Variants in ZRANB3 observed in about 807,000 individuals in gnomAD.
The protein encoded by ZRANB3 is zinc finger RANBP2-type containing 3, also known as DNA annealing helicase and endonuclease ZRANB3.
A neutral mutation model predicts 133.8 loss-of-function variants in ZRANB3; 125 were observed. That is an observed-to-expected ratio of 0.93 (90% CI 0.81 to 1.08). The LOEUF (loss-of-function observed/expected upper bound fraction) is 1.08, where lower values mean the gene tolerates loss of function less well. ZRANB3 is among the 50% of genes least tolerant of loss of function. The pLI, the probability that ZRANB3 is intolerant of heterozygous loss-of-function variation, is 0.00. For missense variants in ZRANB3, 1,229 were observed against 1,275.5 expected, an observed-to-expected ratio of 0.96 and a Z score of 0.56; for synonymous variants, 387 against 432.7, an observed-to-expected ratio of 0.89 and a Z score of 1.31.
At chr2:135,291,113 C>T (rs1467066549) in intron 8 of ZRANB3, among the ~76,000 whole-genome samples, 8 of 152,058 alleles carry the variant, frequency 5.3e-5, no homozygotes, top group Admixed American at 4.6e-4. Context: ...CCACCTGTCT[C>T]GGCCTCCCAA....
chr2:135,505,293 G>A (rs981804293), intron 1 of ZRANB3, among the ~76,000 whole-genome samples: 3 of 151,872 alleles, frequency 2.0e-5, no homozygotes, highest in Admixed American at 6.6e-5. Flanking sequence ...AAAAGTTTGC[G>A]GGCCAGGCGC....
At chr2:135,464,056 G>T (rs1284012945) in intron 2 of ZRANB3, among the ~76,000 whole-genome samples, 1 of 152,112 alleles carries the variant, frequency 6.6e-6, no homozygotes. Flanking sequence ...AAAACAGGTT[G>T]AATAGTAAAA....
intron 8 of ZRANB3, among the ~76,000 whole-genome samples, chr2:135,310,670 T>TTA (rs147465068): frequency 6.6e-6 from 1 of 151,718 alleles, no homozygotes. Flanking sequence ...GTATTTTTAT[T>TTA]TATATATATA....
At chr2:135,384,142 T>G (rs528870155) in intron 3 of ZRANB3, among the ~76,000 whole-genome samples, 1 of 151,912 alleles carries the variant, frequency 6.6e-6, no homozygotes, top group Non-Finnish European at 1.5e-5. Flanking sequence ...ATAGATGCAA[T>G]AAAAAATGAT....
chr2:135,403,007 T>G (rs1687810724), intron 2 of ZRANB3, among the ~76,000 whole-genome samples: 1 of 152,118 alleles, frequency 6.6e-6, no homozygotes, highest in Admixed American at 6.6e-5. Context: ...ACCGCTCCAA[T>G]CTACAGCTCC....
intron 2 of ZRANB3, among the ~76,000 whole-genome samples, chr2:135,435,582 A>G (rs1455774649): frequency 6.6e-6 from 1 of 152,214 alleles, no homozygotes; most frequent in Non-Finnish European, 1.5e-5. Flanking sequence ...GCTTTCCACA[A>G]TGGTTGAACT....
At chr2:135,232,294 A>G (rs1277119788) in intron 12 of ZRANB3, among the ~76,000 whole-genome samples, 4 of 152,184 alleles carry the variant, frequency 2.6e-5, no homozygotes, top group African/African-American at 9.6e-5. Flanking sequence ...AGTGCCTGGA[A>G]GCTCGAACTG....
intron 2 of ZRANB3, among the ~76,000 whole-genome samples, chr2:135,495,698 C>A (rs1366691713): frequency 6.6e-6 from 1 of 151,964 alleles, no homozygotes; most frequent in East Asian, 1.9e-4. Context: ...AAAAAATATA[C>A]TTTAGTGACA....
rs1685127073 is a variant in ZRANB3 at position 135,350,016 on chromosome 2, TAAG to T, written c.556_558del (p.Leu186del). 3.1e-6 allele frequency: 5 copies of T among 1,613,832 alleles called. No homozygotes were observed. In the East Asian group the frequency reaches 6.7e-5, roughly 22 times the overall value. ...GGCCTTCCTAAAGCTGGTGTTCCTG[TAAG>T]AAGAATGGCTCGTCTGGCTTTCTGT... On this transcript the variant is annotated inframe_deletion, in exon 5 of 21. Coordinates refer to ENST00000264159, the MANE Select transcript of ZRANB3 (RefSeq NM_032143.4).
At chr2:135,289,372 C>T (rs1330097387) in intron 8 of ZRANB3, among the ~76,000 whole-genome samples, 1 of 152,124 alleles carries the variant, frequency 6.6e-6, no homozygotes, top group Non-Finnish European at 1.5e-5. Context: ...TCTCCTGCCT[C>T]AGCCTCCCAA....
chr2:135,369,927 A>G (rs1336655946), intron 3 of ZRANB3, among the ~76,000 whole-genome samples: 1 of 151,986 alleles, frequency 6.6e-6, no homozygotes, highest in Non-Finnish European at 1.5e-5. Flanking sequence ...TAGACTTTAT[A>G]TTGTAAACTT....
At chr2:135,272,015 A>G in intron 9 of ZRANB3, 128 bp from the exon 10 acceptor site, 1 of 1,022,538 alleles carries the variant, frequency 9.8e-7, no homozygotes, top group Non-Finnish European at 1.3e-6. Flanking sequence ...ACAGATTGGT[A>G]AATGTTATAC....
chr2:135,366,078 T>C (rs1301682303), intron 3 of ZRANB3, among the ~76,000 whole-genome samples: 2 of 152,218 alleles, frequency 1.3e-5, no homozygotes, highest in East Asian at 3.8e-4. Context: ...ATTAGGATGC[T>C]TTCGGTTGAA....
At position 135,244,685 on chromosome 2, in the gene ZRANB3, A is replaced by G. The variant is rs554033686; in HGVS notation, c.1540-13758T>C. Reference sequence around the variant, plus strand: ...ACCTCCCCACAAAAAAAGAATTCTCAGGGCCTTCAAATACCAGCTTTACAG... The same window carrying G: ...ACCTCCCCACAAAAAAAGAATTCTCGGGGCCTTCAAATACCAGCTTTACAG... On this transcript the variant is annotated intron_variant, in intron 12 of 20. Transcript: ENST00000264159. Among the ~76,000 whole-genome samples, 7 of 152,262 alleles carry G rather than the reference A, an allele frequency of 4.6e-5. No homozygotes were observed. In the East Asian group the frequency reaches 9.6e-4, roughly 21 times the overall value.
chr2:135,369,949 T>G (rs1034240191), intron 3 of ZRANB3, among the ~76,000 whole-genome samples: 28 of 152,052 alleles, frequency 1.8e-4, no homozygotes, highest in Admixed American at 1.8e-3. Flanking sequence ...ACTTCCAATA[T>G]TTCCAGTACC....
At chr2:135,206,487 G>A (rs1023529242) in intron 19 of ZRANB3, among the ~76,000 whole-genome samples, 5 of 151,998 alleles carry the variant, frequency 3.3e-5, no homozygotes, top group African/African-American at 4.8e-5. Context: ...TGATACACCT[G>A]CCTTGGCCTC....
At chr2:135,403,307 T>C (rs1687830665) in intron 2 of ZRANB3, among the ~76,000 whole-genome samples, 1 of 151,876 alleles carries the variant, frequency 6.6e-6, no homozygotes, top group South Asian at 2.1e-4. Flanking sequence ...GGAGATTATA[T>C]CCCGCACCTG....
intron 2 of ZRANB3, among the ~76,000 whole-genome samples, chr2:135,406,684 T>C (rs189706624): frequency 0.033 from 5,063 of 152,236 alleles, 111 homozygotes; most frequent in Middle Eastern, 0.12. Flanking sequence ...AATCAATGAA[T>C]GTAATCCAGC....
intron 8 of ZRANB3, among the ~76,000 whole-genome samples, chr2:135,305,065 C>A (rs943076172): frequency 1.3e-5 from 2 of 152,098 alleles, no homozygotes; most frequent in Non-Finnish European, 2.9e-5. Context: ...AAACCTCCAC[C>A]TCCCCAGGTT....
Sources: gnomAD v4.1 joint callset for allele counts (sites outside exome capture counted in the v4.1 genomes callset) on GRCh38, gnomAD v4.1.1 for gene constraint, MANE v1.5 for transcripts, NCBI Gene and HGNC (gene_info 2026-07-23, HGNC 2026-07-21) for gene names.